The following MYT1L variants were observed in gnomAD, a reference collection of about 807,000 sequenced individuals.
MYT1L encodes the protein myelin transcription factor 1 like, also known as myelin transcription factor 1-like protein.
In MYT1L, 12 loss-of-function variants were observed where a neutral mutation model predicts 126.7. That is an observed-to-expected ratio of 0.09 (90% CI 0.06 to 0.15). MYT1L has a LOEUF of 0.15. Among genes scored for constraint, MYT1L ranks in the 10% least tolerant of loss-of-function variants. MYT1L has a pLI of 1.00. For missense variants in MYT1L, 979 were observed against 1,585.2 expected, an observed-to-expected ratio of 0.62 and a Z score of 6.49; for synonymous variants, 541 against 604.2, an observed-to-expected ratio of 0.90 and a Z score of 1.53.
At chr2:2,120,745 C>T (rs1476447482) in intron 3 of MYT1L, among the ~76,000 whole-genome samples, 1 of 152,120 alleles carries the variant, frequency 6.6e-6, no homozygotes, top group African/African-American at 2.4e-5. Flanking sequence ...GAAAGATGAT[C>T]CCATGCTCCC....
At chr2:2,170,599 A>G (rs964817305) in intron 3 of MYT1L, among the ~76,000 whole-genome samples, 1 of 152,256 alleles carries the variant, frequency 6.6e-6, no homozygotes, top group Non-Finnish European at 1.5e-5. Context: ...ATGTATTTTC[A>G]TTAACATAGC....
Position 2,098,188 on chromosome 2 carries a change from G to A in MYT1L, c.-303-44065C>T, listed in dbSNP as rs115411176. On this transcript the variant is annotated intron_variant, in intron 3 of 24. Coordinates refer to ENST00000647738, the MANE Select transcript of MYT1L (RefSeq NM_001303052.2). ...AGTGATGCAAACACACACACACAGT[G>A]TAGATCATACTGCAGCACATTAACA... 2.2e-3 allele frequency among the ~76,000 whole-genome samples: 335 copies of A among 152,240 alleles called. 1 individual carries two copies. Among genetic ancestry groups the A allele is most frequent in the African/African-American group, 7.2e-3 (300 of 41,550 alleles).
Position 1,979,330 on chromosome 2 carries a change from G to A in MYT1L, c.90-103C>T. The A allele has an allele frequency of 5.1e-6, 6 of 1,176,030 alleles. No homozygotes were observed. Among genetic ancestry groups the A allele is most frequent in the Non-Finnish European group, 7.5e-6 (6 of 801,410 alleles). 72.8% of individuals were successfully genotyped at this position (1,176,030 alleles called of 1,614,324 possible). A position where few individuals can be genotyped will look rare whatever the true frequency, so the allele number is the denominator to read the frequency against. On this transcript the variant is annotated intron_variant, in intron 7 of 24. Coordinates refer to ENST00000647738, the MANE Select transcript of MYT1L (RefSeq NM_001303052.2). This position sits in a 1 kb window ranked among gnomAD's most constrained non-coding sequence, Gnocchi z 4.0. ...AGGAGGGCGGCTCAGACAGAGGAGA[G>A]AAATCACACAATCCAAAGGAGGGGG... is the stretch of plus-strand genomic sequence containing the variant.
At chr2:2,229,939 GT>G (rs2094122348) in intron 2 of MYT1L, among the ~76,000 whole-genome samples, 1 of 152,006 alleles carries the variant, frequency 6.6e-6, no homozygotes, top group Non-Finnish European at 1.5e-5. Context: ...AAAACCATTT[GT>G]TTTAAATTCC....
chr2:2,004,153 T>C (rs1409323731), intron 4 of MYT1L, among the ~76,000 whole-genome samples: 1 of 150,724 alleles, frequency 6.6e-6, no homozygotes, highest in Non-Finnish European at 1.5e-5. Flanking sequence ...ATACGTTCTT[T>C]CCTGTGTGCC....
At chr2:2,276,182 T>C (rs2095355540) in intron 2 of MYT1L, among the ~76,000 whole-genome samples, 1 of 152,148 alleles carries the variant, frequency 6.6e-6, no homozygotes, top group Non-Finnish European at 1.5e-5. Flanking sequence ...GTGAACCTTT[T>C]TGCTAGGTAA....
chr2:2,148,916 C>G (rs73913218), intron 3 of MYT1L, among the ~76,000 whole-genome samples: 2,421 of 152,190 alleles, frequency 0.016, 64 homozygotes, highest in African/African-American at 0.052. Flanking sequence ...TTCTTGTGAA[C>G]TCACAGTCCT....
chr2:1,818,824 G>A (rs1400031680), intron 21 of MYT1L, among the ~76,000 whole-genome samples: 2 of 152,164 alleles, frequency 1.3e-5, no homozygotes, highest in Admixed American at 1.3e-4. Context: ...GAATTTGGAG[G>A]TTTTTCCCCT....
At chr2:2,018,765 C>G (rs2064709386) in intron 4 of MYT1L, among the ~76,000 whole-genome samples, 1 of 152,182 alleles carries the variant, frequency 6.6e-6, no homozygotes, top group Non-Finnish European at 1.5e-5. Context: ...ACAACTCCCC[C>G]AGAAAGGTGA....
chr2:1,949,766 C>T (rs563400713), intron 8 of MYT1L, among the ~76,000 whole-genome samples: 3 of 152,274 alleles, frequency 2.0e-5, no homozygotes, highest in South Asian at 4.2e-4. Flanking sequence ...GTGTCCTGTG[C>T]GTGGGCCTCT....
intron 18 of MYT1L, among the ~76,000 whole-genome samples, chr2:1,868,362 G>A (rs892866463): frequency 2.6e-5 from 4 of 152,132 alleles, no homozygotes; most frequent in Non-Finnish European, 4.4e-5. Flanking sequence ...GTGCTTCTTA[G>A]GCAAAGAATC....
intron 4 of MYT1L, among the ~76,000 whole-genome samples, chr2:2,011,666 T>A (rs762897833): frequency 1.3e-5 from 2 of 152,120 alleles, no homozygotes; most frequent in African/African-American, 2.4e-5. Flanking sequence ...ATATAAATAA[T>A]TATTATAAAT....
At position 2,224,121 on chromosome 2, in the gene MYT1L, G is replaced by C. The variant is rs1003744416; in HGVS notation, c.-420-51133C>G. Among the ~76,000 whole-genome samples, 2 of 152,192 alleles carry C rather than the reference G, an allele frequency of 1.3e-5. No individual in the cohort carries two copies. The highest frequency in any genetic ancestry group is 4.8e-5 in the African/African-American group (2 of 41,436). ...GTGGGGAGTTATCTAAGGAGGACAA[G>C]CCTGTCTGAGGGCATAACCCCACTT... On this transcript the variant is annotated intron_variant, in intron 2 of 24. Transcript: ENST00000647738. The surrounding 1 kb of genome is among the most constrained non-coding windows in gnomAD (Gnocchi z 4.0).
At position 1,910,378 on chromosome 2, in the gene MYT1L, C is replaced by A; in HGVS notation, c.1710-31G>T. On this transcript the variant is annotated intron_variant, in intron 12 of 24. Transcript: ENST00000647738. The surrounding 1 kb of genome is among the most constrained non-coding windows in gnomAD (Gnocchi z 4.8). ...ATCACAGAAAGCGGGTTGAATGGTC[C>A]CGCCTCAAACACCTTCACAGCACAC... 3 of 1,565,914 alleles carry A rather than the reference C, an allele frequency of 1.9e-6. No homozygotes were observed. Among genetic ancestry groups the A allele is most frequent in the Non-Finnish European group, 2.6e-6 (3 of 1,144,022 alleles).
chr2:2,181,178 C>T (rs963663896), intron 2 of MYT1L, among the ~76,000 whole-genome samples: 1 of 151,222 alleles, frequency 6.6e-6, no homozygotes, highest in Non-Finnish European at 1.5e-5. Flanking sequence ...GCACATGTAT[C>T]TGTACCTATG....
intron 2 of MYT1L, among the ~76,000 whole-genome samples, chr2:2,191,945 T>C (rs2092609429): frequency 6.6e-6 from 1 of 152,252 alleles, no homozygotes; most frequent in East Asian, 1.9e-4. Flanking sequence ...TAGCAGACCC[T>C]ACGTTATCCA....
intron 3 of MYT1L, among the ~76,000 whole-genome samples, chr2:2,080,906 C>A (rs2075756622): frequency 6.6e-6 from 1 of 152,152 alleles, no homozygotes; most frequent in African/African-American, 2.4e-5. Context: ...CCGGTATCAA[C>A]AAAACCCCTC....
chr2:1,977,086 T>C (rs1227616268), intron 8 of MYT1L, among the ~76,000 whole-genome samples: 1 of 152,196 alleles, frequency 6.6e-6, no homozygotes, highest in African/African-American at 2.4e-5. Context: ...GTTCTAATAA[T>C]TACATACCAT....
chr2:2,190,550 C>A (rs1296830107), intron 2 of MYT1L, among the ~76,000 whole-genome samples: 3 of 124,638 alleles, frequency 2.4e-5, no homozygotes, highest in East Asian at 2.2e-4. Flanking sequence ...CAGAGCAAGA[C>A]CTGTTAAAAA....
Sources: gnomAD v4.1 joint callset for allele counts (sites outside exome capture counted in the v4.1 genomes callset) on GRCh38, gnomAD v4.1.1 for gene constraint, Gnocchi (gnomAD v3.1) non-coding constraint, MANE v1.5 for transcripts, NCBI Gene and HGNC (gene_info 2026-07-23, HGNC 2026-07-21) for gene names.